The following ABCC9 variants were observed in gnomAD, a reference collection of about 807,000 sequenced individuals.
ABCC9 encodes ATP binding cassette subfamily C member 9.
In ABCC9, 95 loss-of-function variants were observed where a neutral mutation model predicts 188.3. The ratio of observed to expected loss-of-function variants is 0.50; its 90% CI spans 0.43 to 0.60. The LOEUF (loss-of-function observed/expected upper bound fraction) is 0.60. ABCC9 is among the 20% of genes least tolerant of loss of function. ABCC9 has a pLI of 0.00. For synonymous variants in ABCC9, 659 were observed against 652.7 expected, an observed-to-expected ratio of 1.01 and a Z score of -0.15; for missense variants, 1,102 against 1,876.3, an observed-to-expected ratio of 0.59 and a Z score of 7.62.
At chr12:21,933,344 A>G (rs1441425420) in intron 4 of ABCC9, among the ~76,000 whole-genome samples, 1 of 152,050 alleles carries the variant, frequency 6.6e-6, no homozygotes, top group Non-Finnish European at 1.5e-5. Flanking sequence ...TTACCTGCAT[A>G]ATAAACACGC....
intron 7 of ABCC9, among the ~76,000 whole-genome samples, chr12:21,913,735 G>A (rs891942457): frequency 6.6e-6 from 1 of 152,130 alleles, no homozygotes. Context: ...ATAGTTGTTT[G>A]TTGTAAATAA....
intron 4 of ABCC9, among the ~76,000 whole-genome samples, chr12:21,928,364 GAAAA>G (rs1335119374): frequency 7.1e-6 from 1 of 140,934 alleles, no homozygotes; most frequent in Non-Finnish European, 1.5e-5. Flanking sequence ...AAGAAAGAAA[GAAAA>G]AGAAAAAGAG....
intron 31 of ABCC9, 47 bp downstream of exon 31, chr12:21,828,911 C>T (rs764115663): frequency 5.5e-6 from 8 of 1,461,506 alleles, no homozygotes; most frequent in South Asian, 2.3e-5. Flanking sequence ...TTGCAGCAGG[C>T]GTCTTCTCTA....
At chr12:21,817,063 A>C (rs1203798008) in intron 33 of ABCC9, 124 bp downstream of exon 33, 9 of 1,092,192 alleles carry the variant, frequency 8.2e-6, no homozygotes, top group Non-Finnish European at 1.1e-5. Flanking sequence ...CAAAGCCAAG[A>C]TATGAGAGAG....
intron 36 of ABCC9, among the ~76,000 whole-genome samples, chr12:21,810,319 G>T (rs1942147012): frequency 6.6e-6 from 1 of 152,078 alleles, no homozygotes; most frequent in Admixed American, 6.6e-5. Flanking sequence ...ATCTCTATGG[G>T]AGCATATTAC....
intron 30 of ABCC9, among the ~76,000 whole-genome samples, chr12:21,835,125 G>A (rs911348006): frequency 6.6e-6 from 1 of 152,070 alleles, no homozygotes; most frequent in Non-Finnish European, 1.5e-5. Context: ...CAAGCTGACT[G>A]GGAACAGAAT....
At chr12:21,910,670 T>A (rs1948281928) in intron 9 of ABCC9, among the ~76,000 whole-genome samples, 156 bp downstream of exon 9, 1 of 151,642 alleles carries the variant, frequency 6.6e-6, no homozygotes, top group African/African-American at 2.4e-5. Flanking sequence ...ATTAATTAGC[T>A]CTGTTTCTTT....
Position 21,809,941 on chromosome 12 carries a change from G to GT in ABCC9, c.4225_4226insA (p.Pro1409HisfsTer8). 1 of 1,609,242 alleles carries GT rather than the reference G, an allele frequency of 6.2e-7. No homozygotes were observed. Among genetic ancestry groups the GT allele is most frequent in the Non-Finnish European group, 8.5e-7 (1 of 1,176,680 alleles). On this transcript the variant is annotated frameshift_variant, in exon 37 of 40. Transcript: ENST00000261200. LOFTEE classifies it high-confidence loss of function. ...TCTGTCATCTGTGCATTTGCACTCT[G>GT]GATCTAAATTAAATCTGTAGGGAAA...
intron 30 of ABCC9, among the ~76,000 whole-genome samples, chr12:21,832,719 C>A (rs914908304): frequency 6.6e-6 from 1 of 152,096 alleles, no homozygotes; most frequent in African/African-American, 2.4e-5. Context: ...TATGGAGATT[C>A]CCTAAAAAAC....
intron 36 of ABCC9, among the ~76,000 whole-genome samples, chr12:21,811,044 G>A (rs1445001260): frequency 1.3e-5 from 2 of 151,968 alleles, no homozygotes; most frequent in African/African-American, 4.8e-5. Flanking sequence ...ATCTCGAATT[G>A]TAATCCTCAC....
chr12:21,845,617 C>T lies in ABCC9; in HGVS notation c.3082G>A (p.Gly1028Arg). ...ACCAATTGTACCTGATCAGCTTTTC[C>T]AGTATTGTTTATACTGTACTCCGAT... ...WTSEYSINNT[G>R]KADQTYYVAG... Residue 1028 changes from glycine (G) to arginine (R), a missense_variant, in exon 26 of 40, where the codon GGA becomes AGA. Around this residue, in one of 12 missense-constraint regions of ABCC9, gnomAD observed 74 missense variants for 132.7 expected, o/e 0.56. Transcript: ENST00000261200. 1 of 1,613,366 alleles carries T rather than the reference C, an allele frequency of 6.2e-7. No homozygotes were observed. The highest frequency in any genetic ancestry group is 2.2e-5 in the East Asian group (1 of 44,844).
At chr12:21,882,624 T>A in intron 16 of ABCC9, 142 bp downstream of exon 16, 2 of 672,358 alleles carry the variant, frequency 3.0e-6, no homozygotes, top group Non-Finnish European at 4.9e-6. Flanking sequence ...AAACTCAGAA[T>A]TTTTTTTTAA....
At chr12:21,910,483 A>G (rs1948265820) in intron 9 of ABCC9, among the ~76,000 whole-genome samples, 171 bp from the exon 10 acceptor site, 1 of 151,972 alleles carries the variant, frequency 6.6e-6, no homozygotes, top group Non-Finnish European at 1.5e-5. Context: ...CTACTTCAGT[A>G]TAGTTATTTT....
intron 18 of ABCC9, among the ~76,000 whole-genome samples, chr12:21,870,929 T>C (rs1170760459): frequency 6.6e-6 from 1 of 152,170 alleles, no homozygotes; most frequent in Admixed American, 6.5e-5. Context: ...ATTAACACAA[T>C]GATAATTATG....
intron 18 of ABCC9, chr12:21,869,707 C>T (rs1945969488): frequency 6.6e-6 from 1 of 152,180 alleles, no homozygotes; most frequent in Non-Finnish European, 1.5e-5. Flanking sequence ...ATTGTCACAG[C>T]ATTTATCAAA....
intron 13 of ABCC9, among the ~76,000 whole-genome samples, chr12:21,894,890 A>G (rs1947326463): frequency 6.6e-6 from 1 of 152,260 alleles, no homozygotes; most frequent in Non-Finnish European, 1.5e-5. Context: ...TTGTAAGAGT[A>G]TCTGGGAACC....
At chr12:21,894,959 A>C (rs1947329241) in intron 13 of ABCC9, among the ~76,000 whole-genome samples, 1 of 152,308 alleles carries the variant, frequency 6.6e-6, no homozygotes, top group South Asian at 2.1e-4. Context: ...AATGTTTGCA[A>C]ATGTACCAGC....
At chr12:21,928,843 G>T (rs1459985409) in intron 4 of ABCC9, among the ~76,000 whole-genome samples, 1 of 152,072 alleles carries the variant, frequency 6.6e-6, no homozygotes, top group Non-Finnish European at 1.5e-5. Context: ...AGCTGCGTAG[G>T]TTTTGAATGG....
chr12:21,897,780 G>T (rs747422009), intron 12 of ABCC9, among the ~76,000 whole-genome samples: 13 of 152,056 alleles, frequency 8.5e-5, no homozygotes, highest in Admixed American at 2.6e-4. Context: ...AAGAACACAG[G>T]ATAATGTATT....
Sources: allele counts gnomAD v4.1 joint callset (sites outside exome capture counted in the v4.1 genomes callset), GRCh38; gene constraint gnomAD v4.1.1; regional missense constraint gnomAD v4.1.1; transcripts MANE v1.5; gene names NCBI Gene and HGNC (gene_info 2026-07-23, HGNC 2026-07-21).